COX7B2: variants seen among roughly 807,000 people sequenced by gnomAD.
The protein encoded by COX7B2 is cytochrome c oxidase subunit 7B2, mitochondrial.
For synonymous variants in COX7B2, 37 were observed against 32.1 expected (o/e 1.15, Z -0.51); for missense variants, 109 against 95.9 (o/e 1.14, Z -0.57).
chr4:46,842,440 G>T (rs766874614), intron 2 of COX7B2, among the ~76,000 whole-genome samples: 12 of 151,900 alleles, frequency 7.9e-5, no homozygotes, highest in Non-Finnish European at 1.5e-4. Flanking sequence ...TAGGGTACAT[G>T]TGCACAACTT....
chr4:46,814,693 A>C (rs1719457937), intron 2 of COX7B2, among the ~76,000 whole-genome samples: 1 of 152,196 alleles, frequency 6.6e-6, no homozygotes, highest in South Asian at 2.1e-4. Flanking sequence ...ATTATACTGC[A>C]GGATTGATCA....
chr4:46,843,995 A>G (rs1034810913), intron 2 of COX7B2, among the ~76,000 whole-genome samples: 7 of 151,954 alleles, frequency 4.6e-5, no homozygotes, highest in Non-Finnish European at 7.4e-5. Flanking sequence ...TTTTGCTTAT[A>G]TTTGCAAGTT....
chr4:46,838,895 T>A (rs1715736998), intron 2 of COX7B2, among the ~76,000 whole-genome samples: 1 of 151,844 alleles, frequency 6.6e-6, no homozygotes. Context: ...TTTTTTTTTT[T>A]AATTTCAAAA....
chr4:46,782,885 C>T (rs1427628291), intron 2 of COX7B2, among the ~76,000 whole-genome samples: 1 of 151,946 alleles, frequency 6.6e-6, no homozygotes, highest in African/African-American at 2.4e-5. Context: ...GGAACCAACT[C>T]TGGACACACC....
At chr4:46,824,041 A>C (rs1714498869) in intron 2 of COX7B2, among the ~76,000 whole-genome samples, 1 of 152,132 alleles carries the variant, frequency 6.6e-6, no homozygotes, top group South Asian at 2.1e-4. Context: ...AAACTAGCAA[A>C]ATTCACTGAA....
At chr4:46,848,616 T>C (rs1021564576) in intron 1 of COX7B2, among the ~76,000 whole-genome samples, 1 of 152,114 alleles carries the variant, frequency 6.6e-6, no homozygotes, top group Non-Finnish European at 1.5e-5. Context: ...TGAAGATTTA[T>C]TGAGCACTTA....
chr4:46,789,456 AAT>A (rs1430296941), intron 2 of COX7B2, among the ~76,000 whole-genome samples: 1 of 152,186 alleles, frequency 6.6e-6, no homozygotes, highest in Non-Finnish European at 1.5e-5. Context: ...ATTTAATAAA[AAT>A]ATATTTTTGA....
intron 1 of COX7B2, among the ~76,000 whole-genome samples, chr4:46,862,266 A>G (rs1325554935): frequency 4.6e-5 from 7 of 152,248 alleles, no homozygotes; most frequent in Admixed American, 2.6e-4. Flanking sequence ...CTTACCTATC[A>G]GGGAAAACGA....
intron 1 of COX7B2, among the ~76,000 whole-genome samples, chr4:46,892,942 TC>T (rs1459764028): frequency 2.0e-5 from 3 of 152,146 alleles, no homozygotes; most frequent in African/African-American, 7.2e-5. Flanking sequence ...AAAAGGGGCT[TC>T]CCCCTTTGCA....
At chr4:46,735,655 C>T (rs1260305551) in intron 2 of COX7B2, among the ~76,000 whole-genome samples, 3 of 152,114 alleles carry the variant, frequency 2.0e-5, no homozygotes, top group African/African-American at 7.2e-5. Context: ...CTTTCCTTCT[C>T]CTTCTTTAAC....
intron 1 of COX7B2, among the ~76,000 whole-genome samples, chr4:46,907,848 CTTTTTTT>C (rs35024713): frequency 0.013 from 754 of 59,726 alleles, 19 homozygotes; most frequent in Middle Eastern, 0.018. Flanking sequence ...TTTGAGCAGA[CTTTTTTT>C]TTTTTTTTTT....
rs532411327 is a variant in COX7B2 at position 46,858,702 on chromosome 4, G to A, written c.-104-13688C>T. ...CTCCAATTCCTGATGAATGCTGCGT[G>A]TGTGTGTGTGTACAGATGTGGCATT... On this transcript the variant is annotated intron_variant, in intron 1 of 2. Transcript: ENST00000355591. Among the ~76,000 whole-genome samples the A allele has an allele frequency of 1.9e-4, 29 of 151,886 alleles. No homozygotes were observed. The South Asian group carries it at 5.8e-3, about 31-fold the overall frequency.
At chr4:46,757,090 G>A (rs11731265) in intron 2 of COX7B2, among the ~76,000 whole-genome samples, 4,415 of 152,108 alleles carry the variant, frequency 0.029, 101 homozygotes, top group Admixed American at 0.036. Flanking sequence ...TATATCATGT[G>A]TGATATCAAT....
At chr4:46,828,149 A>G (rs879492606) in intron 2 of COX7B2, among the ~76,000 whole-genome samples, 3 of 152,220 alleles carry the variant, frequency 2.0e-5, no homozygotes, top group Admixed American at 1.3e-4. Context: ...AATTTGACAT[A>G]ATACAAAGAA....
At chr4:46,774,991 T>C (rs772195724) in intron 2 of COX7B2, among the ~76,000 whole-genome samples, 2 of 152,108 alleles carry the variant, frequency 1.3e-5, no homozygotes, top group Non-Finnish European at 2.9e-5. Flanking sequence ...AATTTTCAAA[T>C]AGTTGATGTT....
chr4:46,735,593 C>T (rs914067479), intron 2 of COX7B2, among the ~76,000 whole-genome samples: 10 of 152,146 alleles, frequency 6.6e-5, no homozygotes, highest in African/African-American at 2.2e-4. Flanking sequence ...TCACAGAACA[C>T]GCCATGCCTC....
chr4:46,789,726 T>G (rs1249800237), intron 2 of COX7B2, among the ~76,000 whole-genome samples: 1 of 152,168 alleles, frequency 6.6e-6, no homozygotes, highest in Non-Finnish European at 1.5e-5. Flanking sequence ...AAAGGAAGAC[T>G]AGTCGTTTTT....
chr4:46,781,969 C>T (rs939112738), intron 2 of COX7B2, among the ~76,000 whole-genome samples: 2 of 152,122 alleles, frequency 1.3e-5, no homozygotes, highest in Admixed American at 1.3e-4. Flanking sequence ...CTGTGCAGCC[C>T]GAGCCTCCCT....
At chr4:46,764,413 T>C (rs746054125) in intron 2 of COX7B2, among the ~76,000 whole-genome samples, 2 of 151,712 alleles carry the variant, frequency 1.3e-5, no homozygotes, top group Non-Finnish European at 2.9e-5. Flanking sequence ...GGTGTGGTGG[T>C]GGGTGCCTGT....
Sources: allele counts gnomAD v4.1 joint callset (sites outside exome capture counted in the v4.1 genomes callset), GRCh38; gene constraint gnomAD v4.1.1; transcripts MANE v1.5; gene names NCBI Gene and HGNC (gene_info 2026-07-23, HGNC 2026-07-21).